Variants in DNAH17 observed in about 807,000 individuals in gnomAD.
The protein encoded by DNAH17 is dynein axonemal heavy chain 17, also known as axonemal beta dynein heavy chain 17.
Under a neutral mutation model 485.6 loss-of-function variants are expected in DNAH17, and 376 were observed. The observed-to-expected ratio is 0.77, with a 90% CI of 0.71 to 0.84. DNAH17 has a LOEUF of 0.84. Ranked by LOEUF, DNAH17 falls within the 40% of genes least tolerant of loss-of-function variation. DNAH17 has a pLI of 0.00. For synonymous variants in DNAH17, 3,031 were observed against 2,405.9 expected, an observed-to-expected ratio of 1.26 and a Z score of -7.60; for missense variants, 6,370 against 5,839.3, an observed-to-expected ratio of 1.09 and a Z score of -2.96.
intron 54 of DNAH17, among the ~76,000 whole-genome samples, chr17:78,472,307 C>CGAGGGTTAGGGTTAGGGAAT (rs2088796183): frequency 6.7e-6 from 1 of 148,706 alleles, no homozygotes; most frequent in Non-Finnish European, 1.5e-5. Context: ...AGTGGGGGTG[C>CGAGGGTTAGGGTTAGGGAAT]GAGGGTTAGG....
intron 16 of DNAH17, among the ~76,000 whole-genome samples, chr17:78,548,371 A>T (rs1045095251): frequency 6.6e-6 from 1 of 151,704 alleles, no homozygotes; most frequent in Non-Finnish European, 1.5e-5. Context: ...CACCTGGCTA[A>T]TTTTTTGTAT....
In DNAH17 at chr17:78,474,862, G is replaced by A. The variant is rs74001353; in HGVS notation, c.8511+416C>T. Among the ~76,000 whole-genome samples, 520 of 150,660 alleles carry A rather than the reference G, an allele frequency of 3.5e-3. 4 individuals carry two copies. Among genetic ancestry groups the A allele is most frequent in the African/African-American group, 0.012 (491 of 40,734 alleles). On this transcript the variant is annotated intron_variant, in intron 54 of 80. Transcript: ENST00000389840. ...TCTCTTCACCTCAGTCATGCGGGCC[G>A]GAAGATTTCACACCCTTCACCTCAG...
chr17:78,543,729 C>A, intron 17 of DNAH17, 128 bp downstream of exon 17: 1 of 1,433,348 alleles, frequency 7.0e-7, no homozygotes, highest in East Asian at 2.3e-5. Context: ...CCAGCCAGGT[C>A]ACAGACTTCT....
Position 78,566,619 on chromosome 17 carries a change from C to T in DNAH17, c.1564G>A (p.Ala522Thr), listed in dbSNP as rs768308901. The change falls in exon 11 of 81, where the codon GCA becomes ACA. Residue 522 changes from alanine to threonine, a missense_variant. Physicochemically the swap from Ala to Thr is moderately conservative, Grantham distance 58. Transcript: ENST00000389840. ...CGTCTCCACTGCATGCTTACCTTTG[C>T]GGAGGACTTGATACAGCTGCAGTCA... is the stretch of plus-strand genomic sequence containing the variant. Reference protein sequence around the residue: ...FDDCSCIKSSAKLLYMCGGLM... With the variant: ...FDDCSCIKSSTKLLYMCGGLM... 1.3e-5 allele frequency: 21 copies of T among 1,603,008 alleles called. No homozygotes were observed. The highest frequency in any genetic ancestry group is 5.6e-5 in the South Asian group (5 of 88,916).
At chr17:78,482,755 T>A (rs2146630753) in intron 48 of DNAH17, among the ~76,000 whole-genome samples, 1 of 152,288 alleles carries the variant, frequency 6.6e-6, no homozygotes, top group Middle Eastern at 3.4e-3. Context: ...CAGTCCATCC[T>A]TCCCTGTTGT....
chr17:78,526,579 A>T (rs866317220), intron 24 of DNAH17, 72 bp downstream of exon 24: 17 of 1,336,220 alleles, frequency 1.3e-5, no homozygotes, highest in East Asian at 1.2e-4. Context: ...ACTTGAAAGG[A>T]TAACTACTTG....
intron 37 of DNAH17, among the ~76,000 whole-genome samples, chr17:78,496,235 G>A (rs1236317447): frequency 6.6e-6 from 1 of 152,142 alleles, no homozygotes; most frequent in Admixed American, 6.5e-5. Context: ...CAGAGGGCCA[G>A]GCACAGTGGC....
At chr17:78,551,330 C>T (rs1019903277) in intron 16 of DNAH17, among the ~76,000 whole-genome samples, 1 of 152,210 alleles carries the variant, frequency 6.6e-6, no homozygotes, top group Non-Finnish European at 1.5e-5. Flanking sequence ...CAGAATGGAG[C>T]AGAACTGAAT....
At chr17:78,450,027 G>A (rs1466320040) in intron 68 of DNAH17, 2 of 569,706 alleles carry the variant, frequency 3.5e-6, no homozygotes, top group Admixed American at 3.1e-5. Flanking sequence ...CAGGGGAAGA[G>A]CAGGGAGGAG....
In DNAH17 at chr17:78,507,367, G is replaced by A. The variant is rs545214340; in HGVS notation, c.4587C>T (p.Ala1529=). 5.4e-5 allele frequency: 87 copies of A among 1,613,998 alleles called. No homozygotes were observed. In the East Asian group the frequency reaches 1.8e-3, roughly 33 times the overall value. The stretch of plus-strand genomic sequence containing the variant: ...GTGTTTTCACTGCATCTTCCATCAA[G>A]GCCTGGGAAGAGAAGGGGATCGCCA... ...RFDDINQEFK[A]LMEDAVKTPN... Residue 1529 remains alanine (A), a splice_region_variant and synonymous_variant, in exon 29 of 81, where the codon GCC becomes GCT. Coordinates refer to ENST00000389840, the MANE Select transcript of DNAH17 (RefSeq NM_173628.4).
At chr17:78,529,337 C>T (rs1213533907) in intron 22 of DNAH17, 135 bp downstream of exon 22, 5 of 876,294 alleles carry the variant, frequency 5.7e-6, no homozygotes, top group Non-Finnish European at 8.9e-6. Context: ...CTCCCTGTTC[C>T]ATGGGGATCT....
At chr17:78,494,549 C>A in intron 40 of DNAH17, 44 bp downstream of exon 40, 1 of 1,586,222 alleles carries the variant, frequency 6.3e-7, no homozygotes, top group South Asian at 1.1e-5. Context: ...AAGCCCCAGC[C>A]AGGCAGGCTT....
intron 75 of DNAH17, 103 bp from the exon 76 acceptor site, chr17:78,429,403 G>T: frequency 7.7e-7 from 1 of 1,291,370 alleles, no homozygotes; most frequent in Non-Finnish European, 1.1e-6. Flanking sequence ...CCAGCCATTG[G>T]TGCTGTGTCC....
At chr17:78,429,574 T>C (rs1454490161) in intron 75 of DNAH17, among the ~76,000 whole-genome samples, 1 of 152,154 alleles carries the variant, frequency 6.6e-6, no homozygotes, top group Non-Finnish European at 1.5e-5. Context: ...TGGACAGCGC[T>C]TCCACAGCCG....
chr17:78,467,962 G>C (rs1489465631), intron 55 of DNAH17, among the ~76,000 whole-genome samples: 1 of 149,330 alleles, frequency 6.7e-6, no homozygotes, highest in Non-Finnish European at 1.5e-5. Flanking sequence ...AGGTTGCAGT[G>C]AGCTAAGATC....
chr17:78,431,562 C>A (rs567311813), intron 75 of DNAH17, among the ~76,000 whole-genome samples: 363 of 152,074 alleles, frequency 2.4e-3, no homozygotes, highest in Non-Finnish European at 4.4e-3. Context: ...GTGTTCCGTT[C>A]GCATGGGAAT....
At chr17:78,459,300 C>A (rs1048527531) in intron 60 of DNAH17, 92 bp from the exon 61 acceptor site, 1 of 1,276,302 alleles carries the variant, frequency 7.8e-7, no homozygotes, top group African/African-American at 1.5e-5. Context: ...CAGGGTGGCA[C>A]AGCTCTGGAG....
intron 18 of DNAH17, among the ~76,000 whole-genome samples, chr17:78,538,585 A>C (rs1001034229): frequency 2.0e-5 from 3 of 152,202 alleles, no homozygotes; most frequent in Non-Finnish European, 4.4e-5. Flanking sequence ...GTGTGACCAG[A>C]CTTCTCTAAA....
Position 78,572,569 on chromosome 17 carries a change from C to T in DNAH17, c.539+132G>A, listed in dbSNP as rs8073280. The T allele has an allele frequency of 0.32, 282,081 of 870,186 alleles. 51,501 individuals carry two copies. The highest frequency in any genetic ancestry group is 0.6 in the African/African-American group (34,881 of 57,732). 53.9% of individuals were successfully genotyped at this position (870,186 alleles called of 1,614,324 possible). ...CGCACCACCTTGCCCTGCATTTCCC[C>T]GGCTTTAACATGTGAAGCCACTCTG... On this transcript the variant is annotated intron_variant, in intron 3 of 80. Coordinates refer to ENST00000389840, the MANE Select transcript of DNAH17 (RefSeq NM_173628.4).
Sources: gnomAD v4.1 joint callset for allele counts (sites outside exome capture counted in the v4.1 genomes callset) on GRCh38, gnomAD v4.1.1 for gene constraint, MANE v1.5 for transcripts, NCBI Gene and HGNC (gene_info 2026-07-23, HGNC 2026-07-21) for gene names.